The following POU2F2 variants were observed in gnomAD, a reference collection of about 807,000 sequenced individuals.
POU2F2 encodes the protein POU domain, class 2, transcription factor 2.
A neutral mutation model predicts 63.5 loss-of-function variants in POU2F2; 14 were observed. The observed-to-expected ratio is 0.22, with a 90% CI of 0.15 to 0.34. POU2F2 has a LOEUF of 0.34. POU2F2 is among the 10% of genes least tolerant of loss of function. The pLI is 1.00. For synonymous variants in POU2F2, 306 were observed against 348.6 expected, an observed-to-expected ratio of 0.88 and a Z score of 1.36; for missense variants, 607 against 815.2, an observed-to-expected ratio of 0.74 and a Z score of 3.11.
At chr19:42,093,042 C>G (rs536749136) in intron 12 of POU2F2, among the ~76,000 whole-genome samples, 2 of 119,960 alleles carry the variant, frequency 1.7e-5, no homozygotes, top group East Asian at 5.3e-4. Flanking sequence ...GATGGAATCT[C>G]ACTCTGTCAC....
At chr19:42,100,388 T>A (rs2077091336) in intron 5 of POU2F2, among the ~76,000 whole-genome samples, 1 of 151,908 alleles carries the variant, frequency 6.6e-6, no homozygotes, top group Non-Finnish European at 1.5e-5. Context: ...CGAACCCGGC[T>A]ACCCTTTCTT....
At position 42,091,386 on chromosome 19, in the gene POU2F2, G is replaced by A; in HGVS notation, c.1746C>T (p.Ser582=). The part of the protein sequence containing the change: ...AAAAAVAASI[S]SKSPGLSSSS... The stretch of plus-strand genomic sequence containing the variant: ...AGGAGGAGAGGCCAGGAGACTTGCT[G>A]GAGATGGAGGCTGCCACAGCCGCAG... Residue 582 remains serine (S), a synonymous_variant, in exon 15 of 15, where the codon TCC becomes TCT. Transcript: ENST00000692977. 1 of 1,543,536 alleles carries A rather than the reference G, an allele frequency of 6.5e-7. No individual in the cohort carries two copies. The highest frequency in any genetic ancestry group is 8.7e-7 in the Non-Finnish European group (1 of 1,146,880).
chr19:42,104,522 T>C (rs1025157445), intron 5 of POU2F2, among the ~76,000 whole-genome samples: 1 of 152,058 alleles, frequency 6.6e-6, no homozygotes, highest in African/African-American at 2.4e-5. Context: ...TGGAATACTA[T>C]GCAGTCACCA....
chr19:42,140,559 C>G (rs1209731009), intron 2 of POU2F2, among the ~76,000 whole-genome samples: 1 of 152,182 alleles, frequency 6.6e-6, no homozygotes, highest in East Asian at 1.9e-4. Flanking sequence ...TGTTCCCCAC[C>G]TCCTCCCCTT....
At chr19:42,099,419 C>G (rs2146360956) in intron 7 of POU2F2, 108 bp downstream of exon 7, 2 of 982,670 alleles carry the variant, frequency 2.0e-6, no homozygotes, top group Middle Eastern at 5.3e-4. Flanking sequence ...CAGAGTGTGG[C>G]TGGGTCAAAT....
At chr19:42,124,096 G>C (rs974225159) in intron 1 of POU2F2, among the ~76,000 whole-genome samples, 1 of 152,052 alleles carries the variant, frequency 6.6e-6, no homozygotes. Flanking sequence ...TTGAACCCAG[G>C]AGTTCAAGAC....
chr19:42,119,032 T>C (rs2032265681), intron 4 of POU2F2, among the ~76,000 whole-genome samples: 1 of 151,938 alleles, frequency 6.6e-6, no homozygotes, highest in African/African-American at 2.4e-5. Flanking sequence ...TTCATGCCTG[T>C]AATCGCAGCA....
At chr19:42,170,186 C>T (rs116627387) in intron 1 of POU2F2, among the ~76,000 whole-genome samples, 92 of 152,132 alleles carry the variant, frequency 6.0e-4, no homozygotes, top group African/African-American at 2.1e-3. Context: ...CAGGGAGATG[C>T]CCCCCTCATC....
intron 1 of POU2F2, among the ~76,000 whole-genome samples, chr19:42,126,922 A>C (rs1185111279): frequency 6.6e-6 from 1 of 151,846 alleles, no homozygotes; most frequent in Non-Finnish European, 1.5e-5. Flanking sequence ...TATTTTATTT[A>C]ATTTATATTT....
At chr19:42,139,950 A>G (rs1456978108) in intron 2 of POU2F2, among the ~76,000 whole-genome samples, 1 of 152,234 alleles carries the variant, frequency 6.6e-6, no homozygotes, top group Non-Finnish European at 1.5e-5. Context: ...GAGGAAGCTG[A>G]GGCCCACAGT....
chr19:42,125,828 T>C (rs1274370136), intron 1 of POU2F2, among the ~76,000 whole-genome samples: 1 of 152,186 alleles, frequency 6.6e-6, no homozygotes. Context: ...TGCACAGTGC[T>C]CTTCACCCAT....
chr19:42,195,317 C>T (rs1283412566), intron 1 of POU2F2, among the ~76,000 whole-genome samples: 2 of 150,928 alleles, frequency 1.3e-5, no homozygotes, highest in Admixed American at 6.6e-5. Context: ...CCCTTCCTTC[C>T]CTCCCTCTTT....
At chr19:42,165,313 G>A (rs571189082) in intron 1 of POU2F2, among the ~76,000 whole-genome samples, 5 of 152,224 alleles carry the variant, frequency 3.3e-5, no homozygotes, top group African/African-American at 1.2e-4. Flanking sequence ...AGTGGGCGGG[G>A]TAGTACCAAG....
chr19:42,153,249 G>A lies in POU2F2; in HGVS notation c.-9+7083C>T, dbSNP rs781189690. Among the ~76,000 whole-genome samples the A allele has an allele frequency of 6.6e-6, 1 of 152,154 alleles. No individual in the cohort carries two copies. Among genetic ancestry groups the A allele is most frequent in the East Asian group, 1.9e-4 (1 of 5,192 alleles). ...ATTCTAGGACTGCACATACCCGAGC[G>A]TCTTGGCCCGAGTCATGTCTGTGTG... On this transcript the variant is annotated intron_variant, in intron 2 of 6. Transcript: ENST00000524801. This position sits in a 1 kb window ranked among gnomAD's most constrained non-coding sequence, Gnocchi z 5.6.
rs2076588429 is a variant in POU2F2, at chr19:42,087,573, G to A, written c.*3684C>T. 1 of 148,042 alleles carries A rather than the reference G, an allele frequency of 6.8e-6. No homozygotes were observed. The highest frequency in any genetic ancestry group is 2.5e-5 in the African/African-American group (1 of 40,068). The allele number at this position is 148,042 out of a possible 1,614,324, so 9.2% of individuals were successfully genotyped here. ...ACCCCCCAGAAGAGAACAGAGAGAG[G>A]TGGTTTAGTTACTGGCATCAATTTT... On this transcript the variant is annotated 3_prime_UTR_variant, in exon 15 of 15. Transcript: ENST00000692977.
chr19:42,194,975 GAGGGAGAAAGAGAGGGAGGGAGGA>G (rs1455902834), intron 1 of POU2F2, among the ~76,000 whole-genome samples: 1 of 109,830 alleles, frequency 9.1e-6, no homozygotes, highest in Non-Finnish European at 1.9e-5. Flanking sequence ...AGGGGGGAGG[GAGGGAGAAAGAGAGGGAGGGAGGA>G]AGGGAGGGAG....
At chr19:42,127,262 T>C (rs888711365) in intron 1 of POU2F2, among the ~76,000 whole-genome samples, 7 of 152,008 alleles carry the variant, frequency 4.6e-5, no homozygotes, top group African/African-American at 1.7e-4. Flanking sequence ...CACTTTGCCA[T>C]TTAAAACATT....
At chr19:42,116,138 G>A (rs185882196) in intron 5 of POU2F2, among the ~76,000 whole-genome samples, 1 of 152,268 alleles carries the variant, frequency 6.6e-6, no homozygotes, top group East Asian at 1.9e-4. Flanking sequence ...CCCAGTTTAT[G>A]GTATTATGTT....
At chr19:42,143,902 T>C (rs922476606) in intron 2 of POU2F2, among the ~76,000 whole-genome samples, 1 of 152,174 alleles carries the variant, frequency 6.6e-6, no homozygotes, top group Non-Finnish European at 1.5e-5. Flanking sequence ...CACTACGTCC[T>C]CTACCAGGTT....
Sources: gnomAD v4.1 joint callset for allele counts (sites outside exome capture counted in the v4.1 genomes callset) on GRCh38, gnomAD v4.1.1 for gene constraint, Gnocchi (gnomAD v3.1) non-coding constraint, MANE v1.5 for transcripts, NCBI Gene and HGNC (gene_info 2026-07-23, HGNC 2026-07-21) for gene names.